Variants in DLG2 observed in about 807,000 individuals in gnomAD.
The protein encoded by DLG2 is disks large homolog 2.
Under a neutral mutation model 132.5 loss-of-function variants are expected in DLG2, and 45 were observed. That is an observed-to-expected ratio of 0.34 (90% CI 0.27 to 0.44). The LOEUF (loss-of-function observed/expected upper bound fraction) is 0.44. Ranked by LOEUF, DLG2 falls within the 20% of genes least tolerant of loss-of-function variation. DLG2 has a pLI of 1.00. For synonymous variants in DLG2, 424 were observed against 419.6 expected (o/e 1.01, Z -0.13); for missense variants, 1,045 against 1,196.9 (o/e 0.87, Z 1.87).
chr11:84,529,272 C>G (rs960747010), intron 7 of DLG2, among the ~76,000 whole-genome samples: 1 of 152,118 alleles, frequency 6.6e-6, no homozygotes, highest in African/African-American at 2.4e-5. Flanking sequence ...CTTTTCAACA[C>G]AGTCCTGGAA....
chr11:84,937,646 C>G (rs1002992736), intron 6 of DLG2, among the ~76,000 whole-genome samples: 1 of 151,940 alleles, frequency 6.6e-6, no homozygotes, highest in Non-Finnish European at 1.5e-5. Context: ...GACACTTGAA[C>G]AAAAGTGAGA....
chr11:85,362,493 C>T (rs1006858834), intron 3 of DLG2, among the ~76,000 whole-genome samples: 9 of 152,006 alleles, frequency 5.9e-5, no homozygotes, highest in Admixed American at 1.3e-4. Context: ...ATTCATTTAT[C>T]GAATCTCAGA....
At chr11:85,477,974 G>A (rs1055309401) in intron 3 of DLG2, among the ~76,000 whole-genome samples, 2 of 151,850 alleles carry the variant, frequency 1.3e-5, no homozygotes, top group Non-Finnish European at 2.9e-5. Flanking sequence ...CTGGCTTGGA[G>A]AAGTTGGGTA....
chr11:85,382,536 A>G (rs2085977079), intron 3 of DLG2, among the ~76,000 whole-genome samples: 2 of 152,142 alleles, frequency 1.3e-5, no homozygotes, highest in Non-Finnish European at 2.9e-5. Context: ...CTCCAAGTGA[A>G]ACTATGAATA....
intron 7 of DLG2, among the ~76,000 whole-genome samples, chr11:84,499,412 C>T (rs968497110): frequency 6.6e-6 from 1 of 152,174 alleles, no homozygotes; most frequent in African/African-American, 2.4e-5. Flanking sequence ...TTTTACAACC[C>T]TATCCCATGA....
At chr11:85,245,643 G>A (rs1452412130) in intron 4 of DLG2, among the ~76,000 whole-genome samples, 1 of 151,914 alleles carries the variant, frequency 6.6e-6, no homozygotes, top group East Asian at 1.9e-4. Flanking sequence ...GATAAAAGAT[G>A]TCAATTTTCT....
intron 3 of DLG2, among the ~76,000 whole-genome samples, chr11:85,347,189 C>A (rs2082907488): frequency 6.6e-6 from 1 of 152,044 alleles, no homozygotes; most frequent in Non-Finnish European, 1.5e-5. Flanking sequence ...TTTGGGCATG[C>A]TGAGTGCTTT....
intron 18 of DLG2, among the ~76,000 whole-genome samples, chr11:83,725,837 G>A (rs907687432): frequency 3.3e-5 from 5 of 152,108 alleles, no homozygotes; most frequent in South Asian, 4.1e-4. Flanking sequence ...TTGATTAAGC[G>A]GAGCTCAGAC....
chr11:83,680,130 TATAA>T (rs1334664215), intron 18 of DLG2, among the ~76,000 whole-genome samples: 3 of 152,178 alleles, frequency 2.0e-5, no homozygotes, highest in African/African-American at 4.8e-5. Context: ...CTTTTGTTGC[TATAA>T]ATAGAGTTCA....
At chr11:85,403,753 G>A (rs2088438054) in intron 3 of DLG2, among the ~76,000 whole-genome samples, 1 of 151,958 alleles carries the variant, frequency 6.6e-6, no homozygotes, top group African/African-American at 2.4e-5. Context: ...GGGGGAAGAT[G>A]CCTCTGGTAG....
At chr11:85,494,295 C>T (rs1384026599) in intron 3 of DLG2, among the ~76,000 whole-genome samples, 1 of 152,008 alleles carries the variant, frequency 6.6e-6, no homozygotes, top group Non-Finnish European at 1.5e-5. Context: ...ATTACCCATG[C>T]TCCAAACAAG....
intron 6 of DLG2, among the ~76,000 whole-genome samples, chr11:84,733,795 A>C (rs2063471600): frequency 6.6e-6 from 1 of 152,166 alleles, no homozygotes; most frequent in African/African-American, 2.4e-5. Context: ...TCTTTAATCC[A>C]TCTTGAACTA....
At position 84,211,521 on chromosome 11, in the gene DLG2, A is replaced by C. The variant is rs887109220; in HGVS notation, c.573+39717T>G. Among the ~76,000 whole-genome samples the C allele has an allele frequency of 4.6e-5, 7 of 152,326 alleles. No individual in the cohort carries two copies. The East Asian group carries it at 1.4e-3, about 29-fold the overall frequency. On this transcript the variant is annotated intron_variant, in intron 8 of 27. Coordinates refer to ENST00000376104, the MANE Select transcript of DLG2 (RefSeq NM_001142699.3). ...TAGCCTCCCAAAGTGCTGGGATTAC[A>C]GGTGTGAACCACCAAACCCAGCCAA...
chr11:84,896,008 T>A (rs2090136731), intron 6 of DLG2, among the ~76,000 whole-genome samples: 1 of 152,130 alleles, frequency 6.6e-6, no homozygotes, highest in African/African-American at 2.4e-5. Context: ...TCTATCAATA[T>A]GTATCATTTA....
At chr11:84,588,781 TG>T (rs1174928541) in intron 6 of DLG2, among the ~76,000 whole-genome samples, 1 of 114,816 alleles carries the variant, frequency 8.7e-6, no homozygotes, top group African/African-American at 3.4e-5. Flanking sequence ...CTAGCATATG[TG>T]AAAAAAAAAA....
intron 7 of DLG2, among the ~76,000 whole-genome samples, chr11:84,262,737 C>A (rs1485784978): frequency 6.6e-6 from 1 of 152,148 alleles, no homozygotes; most frequent in Non-Finnish European, 1.5e-5. Context: ...CCTTTGCATC[C>A]TCAGAGCTTA....
chr11:84,357,984 A>G (rs2098627853), intron 7 of DLG2, among the ~76,000 whole-genome samples: 1 of 152,012 alleles, frequency 6.6e-6, no homozygotes, highest in African/African-American at 2.4e-5. Flanking sequence ...AAAATGAAAT[A>G]AAAGATTTCT....
intron 6 of DLG2, among the ~76,000 whole-genome samples, chr11:84,778,269 T>C (rs577251161): frequency 6.6e-6 from 1 of 152,306 alleles, no homozygotes; most frequent in Non-Finnish European, 1.5e-5. Context: ...GTTGTAGTTA[T>C]GTGGCTTCAT....
chr11:83,887,388 G>C (rs9667767), intron 15 of DLG2, among the ~76,000 whole-genome samples: 3,767 of 151,806 alleles, frequency 0.025, 153 homozygotes, highest in African/African-American at 0.086. Flanking sequence ...ACCCTCCCAA[G>C]ACTAAACCAG....
Sources: allele counts gnomAD v4.1 joint callset (sites outside exome capture counted in the v4.1 genomes callset), GRCh38; gene constraint gnomAD v4.1.1; transcripts MANE v1.5; gene names NCBI Gene and HGNC (gene_info 2026-07-23, HGNC 2026-07-21).